The following ST7 variants were observed in gnomAD, a reference collection of about 807,000 sequenced individuals.
The protein encoded by ST7 is suppressor of tumorigenicity 7 protein.
Under a neutral mutation model 78.7 loss-of-function variants are expected in ST7, and 28 were observed. The observed-to-expected ratio is 0.36, with a 90% CI of 0.26 to 0.49. The LOEUF (loss-of-function observed/expected upper bound fraction) is 0.49, where lower values mean the gene tolerates loss of function less well. ST7 is among the 20% of genes least tolerant of loss of function. The pLI is 0.99. For synonymous variants in ST7, 247 were observed against 249.6 expected (o/e 0.99, Z 0.10); for missense variants, 418 against 696.0 (o/e 0.60, Z 4.49).
chr7:117,017,990 C>G (rs1795697405), intron 1 of ST7, among the ~76,000 whole-genome samples: 1 of 152,132 alleles, frequency 6.6e-6, no homozygotes, highest in African/African-American at 2.4e-5. Flanking sequence ...AAAATCACAG[C>G]CTTTAACTCT....
intron 1 of ST7, among the ~76,000 whole-genome samples, chr7:117,071,466 A>G (rs1391679116): frequency 2.0e-5 from 3 of 152,192 alleles, no homozygotes; most frequent in Admixed American, 2.0e-4. Context: ...AAGGAGTCCC[A>G]TTTGGGAAAA....
At chr7:117,132,013 T>C in intron 6 of ST7, 53 bp downstream of exon 6, 1 of 1,510,308 alleles carries the variant, frequency 6.6e-7, no homozygotes, top group Non-Finnish European at 9.2e-7. Context: ...CTTTGCTGAA[T>C]ATATTCAGTT....
intron 1 of ST7, chr7:116,968,500 C>T: frequency 2.3e-6 from 1 of 428,660 alleles, no homozygotes; most frequent in Non-Finnish European, 4.7e-6. Context: ...CGCCACCATG[C>T]CTGGCTTAGA....
chr7:117,060,805 A>G (rs1358088008), intron 1 of ST7, among the ~76,000 whole-genome samples: 1 of 152,148 alleles, frequency 6.6e-6, no homozygotes, highest in Non-Finnish European at 1.5e-5. Context: ...CAGGAGTTTG[A>G]GACCAGCCTG....
intron 6 of ST7, among the ~76,000 whole-genome samples, chr7:117,133,028 A>G (rs1804492284): frequency 2.0e-5 from 3 of 151,966 alleles, no homozygotes; most frequent in African/African-American, 7.2e-5. Context: ...TCTTAAATTT[A>G]TAGTAAATCT....
Position 117,219,022 on chromosome 7 carries a change from TGCAG to T in ST7, c.1406-61_1406-58del. The T allele has an allele frequency of 2.2e-6, 3 of 1,394,478 alleles. No homozygotes were observed. The highest frequency in any genetic ancestry group is 1.2e-5 in the South Asian group (1 of 80,032). The allele number at this position is 1,394,478 out of a possible 1,614,324, so 86.4% of individuals were successfully genotyped here. A position where few individuals can be genotyped will look rare whatever the true frequency, so the allele number is the denominator to read the frequency against. On this transcript the variant is annotated intron_variant, in intron 13 of 15. Coordinates refer to ENST00000323984, the MANE Select transcript of ST7 (RefSeq NM_001369598.1). The surrounding 1 kb of genome is among the most constrained non-coding windows in gnomAD (Gnocchi z 5.1). ...ATAAAAATGCTCAAACGCCCCTTTT[TGCAG>T]TTGGGAAGTTATGACACAAACATTG...
At chr7:117,225,660 G>A (rs1793394996) in intron 15 of ST7, among the ~76,000 whole-genome samples, 1 of 152,182 alleles carries the variant, frequency 6.6e-6, no homozygotes, top group Non-Finnish European at 1.5e-5. Flanking sequence ...ACCATTTGCA[G>A]CTTGTGAAAG....
intron 1 of ST7, among the ~76,000 whole-genome samples, chr7:117,094,060 C>T (rs1306404130): frequency 6.6e-6 from 1 of 152,172 alleles, no homozygotes; most frequent in African/African-American, 2.4e-5. Flanking sequence ...GGAAGACACA[C>T]AGCTGTCCTG....
At chr7:117,015,348 C>T (rs906336345) in intron 1 of ST7, among the ~76,000 whole-genome samples, 3 of 152,268 alleles carry the variant, frequency 2.0e-5, no homozygotes, top group African/African-American at 7.2e-5. Flanking sequence ...CAGATTATTC[C>T]ACACAGGGAA....
chr7:117,028,243 T>C (rs1796304975), intron 1 of ST7, among the ~76,000 whole-genome samples: 1 of 152,236 alleles, frequency 6.6e-6, no homozygotes, highest in Admixed American at 6.5e-5. Context: ...AATGAGTTAC[T>C]AATAATCATC....
intron 15 of ST7, 117 bp downstream of exon 15, chr7:117,222,179 A>G (rs1052668718): frequency 1.8e-5 from 20 of 1,118,116 alleles, no homozygotes; most frequent in Non-Finnish European, 2.4e-6. Context: ...TGCAAAGATC[A>G]TTGCTCACCA....
intron 9 of ST7, among the ~76,000 whole-genome samples, chr7:117,169,267 C>G (rs993170679): frequency 4.6e-5 from 7 of 151,876 alleles, no homozygotes; most frequent in African/African-American, 1.7e-4. Flanking sequence ...TCCTAAGTAG[C>G]TGGGACTACA....
chr7:117,117,947 A>G (rs540524887), intron 2 of ST7: 2 of 152,324 alleles, frequency 1.3e-5, no homozygotes, highest in South Asian at 4.1e-4. Flanking sequence ...TAAATTTATC[A>G]TTCCTGAGCT....
intron 1 of ST7, among the ~76,000 whole-genome samples, chr7:117,007,390 C>T (rs1268789886): frequency 1.3e-5 from 2 of 152,166 alleles, no homozygotes; most frequent in African/African-American, 4.8e-5. Context: ...TTAATTTCTT[C>T]AGGGGTTCTA....
intron 10 of ST7, among the ~76,000 whole-genome samples, chr7:117,184,511 T>C (rs1327447589): frequency 6.6e-6 from 1 of 152,258 alleles, no homozygotes; most frequent in Non-Finnish European, 1.5e-5. Flanking sequence ...TGGTAGCTAC[T>C]CTATTCATCT....
chr7:117,203,562 C>G (rs1811070580), intron 12 of ST7, among the ~76,000 whole-genome samples: 1 of 152,114 alleles, frequency 6.6e-6, no homozygotes, highest in South Asian at 2.1e-4. Context: ...CTCATTTTTT[C>G]AGTATAAACT....
At chr7:117,194,355 A>G (rs1172638089) in intron 12 of ST7, among the ~76,000 whole-genome samples, 1 of 152,170 alleles carries the variant, frequency 6.6e-6, no homozygotes, top group African/African-American at 2.4e-5. Context: ...TCATTCCAGA[A>G]ACATTCTCTT....
At chr7:117,171,963 AAGAG>A (rs1248563377) in intron 10 of ST7, among the ~76,000 whole-genome samples, 1 of 123,740 alleles carries the variant, frequency 8.1e-6, no homozygotes, top group Non-Finnish European at 1.6e-5. Flanking sequence ...TTTTTTTTTT[AAGAG>A]AGATAGGGCC....
At chr7:117,052,829 G>A (rs535316596) in intron 1 of ST7, among the ~76,000 whole-genome samples, 1 of 152,380 alleles carries the variant, frequency 6.6e-6, no homozygotes, top group East Asian at 1.9e-4. Flanking sequence ...AGGAGGCGGA[G>A]CTTGCAGTGA....
Sources: allele counts gnomAD v4.1 joint callset (sites outside exome capture counted in the v4.1 genomes callset), GRCh38; gene constraint gnomAD v4.1.1; non-coding constraint Gnocchi (gnomAD v3.1); transcripts MANE v1.5; gene names NCBI Gene and HGNC (gene_info 2026-07-23, HGNC 2026-07-21).